The following LRRK1 variants were observed in gnomAD, a reference collection of about 807,000 sequenced individuals.
LRRK1 encodes leucine rich repeat kinase 1.
Under a neutral mutation model 209.1 loss-of-function variants are expected in LRRK1, and 113 were observed. The observed-to-expected ratio is 0.54, with a 90% confidence interval of 0.46 to 0.63. The LOEUF (loss-of-function observed/expected upper bound fraction) is 0.63. Among genes scored for constraint, LRRK1 ranks in the 30% least tolerant of loss-of-function variants. The probability of loss-of-function intolerance (pLI) is 0.00; values close to 1 mark genes in which losing one functional copy is unlikely to be tolerated. For synonymous variants in LRRK1, 1,144 were observed against 1,099.7 expected, an observed-to-expected ratio of 1.04 and a Z score of -0.80; for missense variants, 2,284 against 2,632.2, an observed-to-expected ratio of 0.87 and a Z score of 2.89.
Position 101,014,392 on chromosome 15 carries a change from T to A in LRRK1, c.1496T>A (p.Leu499His). ...CAAGAGAAGTGGACCTGCAGGCAGC[T>A]CAAAACCCTGGATCTCTCCAGAAAC... ...PPQEKWTCRQLKTLDLSRNQL... is the reference protein window; with the variant it reads ...PPQEKWTCRQHKTLDLSRNQL... Residue 499 changes from leucine (L) to histidine (H), a missense_variant, in exon 11 of 34, where the codon CTC becomes CAC. This residue lies in a region of LRRK1 where 494 missense variants were observed against 522.1 expected (regional missense o/e 0.95). Transcript: ENST00000388948. 2.5e-6 allele frequency: 4 copies of A among 1,613,898 alleles called. No individual in the cohort carries two copies. The highest frequency in any genetic ancestry group is 3.4e-6 in the Non-Finnish European group (4 of 1,179,920).
chr15:101,008,743 G>C (rs1336319087), intron 6 of LRRK1, 94 bp from the exon 7 acceptor site: 2 of 961,492 alleles, frequency 2.1e-6, no homozygotes, highest in African/African-American at 3.2e-5. Flanking sequence ...CAGGCACACA[G>C]ACGCGCATTT....
intron 20 of LRRK1, among the ~76,000 whole-genome samples, chr15:101,042,632 C>T (rs1478193362): frequency 6.6e-6 from 1 of 152,244 alleles, no homozygotes; most frequent in Non-Finnish European, 1.5e-5. Flanking sequence ...GCACACTTCT[C>T]TGCCTCCCCA....
intron 26 of LRRK1, among the ~76,000 whole-genome samples, 186 bp downstream of exon 26, chr15:101,053,606 C>G (rs1485319482): frequency 6.6e-6 from 1 of 152,206 alleles, no homozygotes; most frequent in Non-Finnish European, 1.5e-5. Context: ...CTAGGCAGAG[C>G]CTTGGCGAGG....
intron 2 of LRRK1, among the ~76,000 whole-genome samples, chr15:100,941,560 G>C (rs2042438203): frequency 1.3e-5 from 2 of 150,422 alleles, no homozygotes; most frequent in East Asian, 3.9e-4. Flanking sequence ...GGCTTGGTTA[G>C]AGGAGTTTCG....
chr15:101,062,052 G>A (rs905274455), intron 30 of LRRK1, among the ~76,000 whole-genome samples: 2 of 152,244 alleles, frequency 1.3e-5, no homozygotes, highest in African/African-American at 2.4e-5. Flanking sequence ...CGAAGTAGGT[G>A]CAGCCCAGTC....
chr15:101,027,024 T>C lies in LRRK1; in HGVS notation c.2406-237T>C, dbSNP rs1050509956. 1.3e-5 allele frequency among the ~76,000 whole-genome samples: 2 copies of C among 152,044 alleles called. No homozygotes were observed. Among genetic ancestry groups the C allele is most frequent in the Non-Finnish European group, 2.9e-5 (2 of 67,998 alleles). On this transcript the variant is annotated intron_variant, in intron 17 of 33. Transcript: ENST00000388948. The surrounding 1 kb of genome is among the most constrained non-coding windows in gnomAD (Gnocchi z 5.1). ...GTCTCGGTGTACCTCTGCACCTCAC[T>C]TTCCTCCTCCGTGAAGTGCCATGTT...
At chr15:101,020,989 G>A (rs1028940126) in intron 12 of LRRK1, 64 bp from the exon 13 acceptor site, 19 of 1,598,680 alleles carry the variant, frequency 1.2e-5, no homozygotes, top group Non-Finnish European at 3.4e-6. Context: ...CGCCCACCTG[G>A]TCACCACGCT....
At chr15:101,061,407 C>T in intron 30 of LRRK1, 119 bp downstream of exon 30, 2 of 679,324 alleles carry the variant, frequency 2.9e-6, no homozygotes, top group Non-Finnish European at 5.1e-6. Flanking sequence ...TTCAGATAAC[C>T]CCCAGCGCAT....
chr15:100,990,570 A>G (rs1465039017), intron 6 of LRRK1, among the ~76,000 whole-genome samples: 1 of 152,106 alleles, frequency 6.6e-6, no homozygotes, highest in Non-Finnish European at 1.5e-5. Flanking sequence ...ATTTCTGCTT[A>G]TTTTAATTTC....
At chr15:101,012,455 C>T (rs902274606) in intron 10 of LRRK1, among the ~76,000 whole-genome samples, 17 of 152,208 alleles carry the variant, frequency 1.1e-4, no homozygotes, top group African/African-American at 1.9e-4. Context: ...GGCCTTTCCA[C>T]GGAACCCTGT....
Position 100,983,715 on chromosome 15 carries a change from T to A in LRRK1, c.433+16T>A. 6.2e-7 allele frequency: 1 copy of A among 1,610,238 alleles called. No individual in the cohort carries two copies. Among genetic ancestry groups the A allele is most frequent in the Non-Finnish European group, 8.5e-7 (1 of 1,177,438 alleles). ...TCCTTACCAGGTAAATCACAGGGCA[T>A]GAGCTCTTAACCGTGTCTCAGGGCA... On this transcript the variant is annotated intron_variant, in intron 4 of 33. Coordinates refer to ENST00000388948, the MANE Select transcript of LRRK1 (RefSeq NM_024652.6).
At chr15:101,058,617 C>CGGGGGGGGG (rs1555479973) in intron 29 of LRRK1, among the ~76,000 whole-genome samples, 76 of 75,202 alleles carry the variant, frequency 1.0e-3, no homozygotes, top group Non-Finnish European at 1.1e-3. Context: ...GAAGGGGCAA[C>CGGGGGGGGG]GGGGGGGGGC....
chr15:100,920,898 G>A (rs1363188244), intron 1 of LRRK1, among the ~76,000 whole-genome samples: 1 of 152,024 alleles, frequency 6.6e-6, no homozygotes, highest in African/African-American at 2.4e-5. Context: ...TGCTGTCTCG[G>A]ACCACCAGGC....
chr15:100,929,055 G>A (rs997357922), intron 2 of LRRK1, among the ~76,000 whole-genome samples: 4 of 152,142 alleles, frequency 2.6e-5, no homozygotes, highest in Non-Finnish European at 5.9e-5. Flanking sequence ...TGCAGGACGC[G>A]CATTACTTTG....
chr15:100,923,417 C>T (rs951128572), intron 1 of LRRK1, among the ~76,000 whole-genome samples: 2 of 152,236 alleles, frequency 1.3e-5, no homozygotes, highest in Non-Finnish European at 2.9e-5. Flanking sequence ...TTTGGCTGCA[C>T]TATCACTCCC....
rs556001100 is a variant in LRRK1 at position 101,015,062 on chromosome 15, T to C, written c.1533-264T>C. Among the ~76,000 whole-genome samples the C allele has an allele frequency of 2.0e-5, 3 of 152,308 alleles. No homozygotes were observed. The East Asian group carries it at 5.8e-4, about 29-fold the overall frequency. On this transcript the variant is annotated intron_variant, in intron 11 of 33. Transcript: ENST00000388948. ...AAAGCCGGGATGAGCCCAGCCAGCC[T>C]CTGGAGACCAGCCGCCCCCGTTATC...
In LRRK1 at chr15:101,057,871, T is replaced by A. The variant is rs140828509; in HGVS notation, c.4528-119T>A. 3.3e-4 allele frequency: 369 copies of A among 1,120,256 alleles called. 1 individual carries two copies. The African/African-American group carries it at 4.7e-3, about 14-fold the overall frequency. The allele number at this position is 1,120,256 out of a possible 1,614,324, so 69.4% of individuals were successfully genotyped here. ...GTTTCAGCCTCTTGTTTGGATCTAG[T>A]CTGAATGAACAGAATCCCTCATTCC... On this transcript the variant is annotated intron_variant, in intron 28 of 33. Transcript: ENST00000388948.
At chr15:100,966,563 T>C (rs1020427377) in intron 2 of LRRK1, among the ~76,000 whole-genome samples, 7 of 152,222 alleles carry the variant, frequency 4.6e-5, no homozygotes, top group Non-Finnish European at 7.3e-5. Flanking sequence ...TAAATAAAGG[T>C]TAACCATTCT....
At chr15:100,963,483 G>A (rs968512901) in intron 2 of LRRK1, among the ~76,000 whole-genome samples, 6 of 152,198 alleles carry the variant, frequency 3.9e-5, no homozygotes, top group Admixed American at 6.5e-5. Context: ...TGCTGTAGAC[G>A]TTAAGTGACG....
Sources: gnomAD v4.1 joint callset for allele counts (sites outside exome capture counted in the v4.1 genomes callset) on GRCh38, gnomAD v4.1.1 for gene constraint, gnomAD v4.1.1 regional missense constraint, Gnocchi (gnomAD v3.1) non-coding constraint, MANE v1.5 for transcripts, NCBI Gene and HGNC (gene_info 2026-07-23, HGNC 2026-07-21) for gene names.